The following CNTN5 variants were observed in gnomAD, a reference collection of about 807,000 sequenced individuals.
CNTN5 encodes the protein contactin 5, also known as contactin-5.
A neutral mutation model predicts 129.1 loss-of-function variants in CNTN5; 77 were observed. That is an observed-to-expected ratio of 0.60 (90% CI 0.50 to 0.72). The LOEUF is 0.72. Among genes scored for constraint, CNTN5 ranks in the 30% least tolerant of loss-of-function variants. CNTN5 has a pLI of 0.00. For missense variants in CNTN5, 1,478 were observed against 1,328.8 expected, an observed-to-expected ratio of 1.11 and a Z score of -1.75; for synonymous variants, 509 against 465.6, an observed-to-expected ratio of 1.09 and a Z score of -1.20.
At chr11:99,582,957 A>G (rs913159156) in intron 3 of CNTN5, among the ~76,000 whole-genome samples, 13 of 152,158 alleles carry the variant, frequency 8.5e-5, no homozygotes, top group African/African-American at 1.7e-4. Flanking sequence ...TTGTGGTTTT[A>G]TCTACCTTTG....
chr11:99,509,374 T>C (rs1225640277), intron 2 of CNTN5, among the ~76,000 whole-genome samples: 1 of 152,210 alleles, frequency 6.6e-6, no homozygotes, highest in Non-Finnish European at 1.5e-5. Flanking sequence ...TTTAATTTGA[T>C]TTAATTTAAT....
chr11:99,121,891 ATTTCTTTT>A (rs144742015), intron 1 of CNTN5, among the ~76,000 whole-genome samples: 7,180 of 152,044 alleles, frequency 0.047, 187 homozygotes, highest in Middle Eastern at 0.065. Context: ...GTAATTTTGA[ATTTCTTTT>A]TTTCTTTTTT....
At chr11:99,263,354 C>T (rs758830827) in intron 1 of CNTN5, among the ~76,000 whole-genome samples, 10 of 152,038 alleles carry the variant, frequency 6.6e-5, no homozygotes, top group South Asian at 2.1e-4. Flanking sequence ...TGAGCTTTAT[C>T]GTCTTCAAAT....
Position 100,255,745 on chromosome 11 carries a change from G to T in CNTN5, c.2006-15G>T. 2 of 1,611,292 alleles carry T rather than the reference G, an allele frequency of 1.2e-6. No individual in the cohort carries two copies. Among genetic ancestry groups the T allele is most frequent in the Non-Finnish European group, 1.7e-6 (2 of 1,178,080 alleles). ...TAATTTGTGCTTAACTTTATCCATT[G>T]CCTTTGACCTATAGGACCCCCAGGC... On this transcript the variant is annotated splice_polypyrimidine_tract_variant and intron_variant, in intron 16 of 24. Transcript: ENST00000524871.
chr11:100,050,277 A>G (rs191779173), intron 9 of CNTN5, among the ~76,000 whole-genome samples: 2 of 152,256 alleles, frequency 1.3e-5, no homozygotes, highest in Non-Finnish European at 2.9e-5. Flanking sequence ...CATATACACC[A>G]TGGAATACAG....
At chr11:99,839,683 T>C (rs186213159) in intron 4 of CNTN5, among the ~76,000 whole-genome samples, 160 of 152,002 alleles carry the variant, frequency 1.1e-3, no homozygotes, top group Non-Finnish European at 1.7e-3. Context: ...TATAAGATAA[T>C]AGAATATGAT....
intron 4 of CNTN5, among the ~76,000 whole-genome samples, chr11:99,842,636 A>T (rs1947547897): frequency 6.6e-6 from 1 of 152,178 alleles, no homozygotes; most frequent in African/African-American, 2.4e-5. Flanking sequence ...TTTAAGTCAT[A>T]GTTTTAATGT....
At chr11:99,323,288 G>A (rs1026028467) in intron 1 of CNTN5, among the ~76,000 whole-genome samples, 7 of 152,118 alleles carry the variant, frequency 4.6e-5, no homozygotes, top group Admixed American at 3.9e-4. Context: ...GACTGCAAAT[G>A]AAGTAGTCTC....
chr11:99,700,949 G>C (rs900487847), intron 3 of CNTN5, among the ~76,000 whole-genome samples: 1 of 151,196 alleles, frequency 6.6e-6, no homozygotes, highest in African/African-American at 2.4e-5. Context: ...AGAAGACATA[G>C]GGCAGGTGGT....
At chr11:99,847,177 C>A (rs2135707928) in intron 6 of CNTN5, among the ~76,000 whole-genome samples, 1 of 152,224 alleles carries the variant, frequency 6.6e-6, no homozygotes, top group Middle Eastern at 3.4e-3. Context: ...GTTGTTTTTC[C>A]CTTTGTGGAA....
At chr11:99,479,887 T>TG (rs1945523760) in intron 2 of CNTN5, among the ~76,000 whole-genome samples, 1 of 152,098 alleles carries the variant, frequency 6.6e-6, no homozygotes. Flanking sequence ...TATTTTTTTT[T>TG]GTCCAGTTTA....
At chr11:99,098,917 C>T (rs1427325463) in intron 1 of CNTN5, among the ~76,000 whole-genome samples, 5 of 152,178 alleles carry the variant, frequency 3.3e-5, no homozygotes, top group Admixed American at 6.6e-5. Context: ...CAGGTGTTAT[C>T]GCACTGGTAT....
chr11:99,231,477 C>T (rs1398758402), intron 1 of CNTN5, among the ~76,000 whole-genome samples: 1 of 152,158 alleles, frequency 6.6e-6, no homozygotes, highest in African/African-American at 2.4e-5. Context: ...GTGTCCTTTG[C>T]CCACTTTTTA....
intron 1 of CNTN5, among the ~76,000 whole-genome samples, chr11:99,103,422 G>T (rs904745061): frequency 6.6e-6 from 1 of 151,910 alleles, no homozygotes; most frequent in African/African-American, 2.4e-5. Context: ...TTTTTCTTCA[G>T]GTCAAATATC....
At chr11:99,988,038 T>C (rs772496667) in intron 8 of CNTN5, among the ~76,000 whole-genome samples, 6 of 152,236 alleles carry the variant, frequency 3.9e-5, no homozygotes, top group Non-Finnish European at 7.3e-5. Context: ...GATGAAGCTA[T>C]GATAATCAGC....
intron 14 of CNTN5, 70 bp downstream of exon 14, chr11:100,191,323 T>C: frequency 7.7e-7 from 1 of 1,305,184 alleles, no homozygotes; most frequent in Non-Finnish European, 1.0e-6. Flanking sequence ...ATAAATATAA[T>C]ATAAATGCAT....
At chr11:99,662,150 A>T (rs2135919484) in intron 3 of CNTN5, among the ~76,000 whole-genome samples, 1 of 152,314 alleles carries the variant, frequency 6.6e-6, no homozygotes, top group East Asian at 1.9e-4. Context: ...CTTCTGAACT[A>T]TATACTTAAA....
chr11:99,127,092 C>T (rs747579326), intron 1 of CNTN5, among the ~76,000 whole-genome samples: 1 of 152,128 alleles, frequency 6.6e-6, no homozygotes, highest in South Asian at 2.1e-4. Flanking sequence ...CTCAATAGTT[C>T]ATGGTCTGTT....
chr11:99,944,492 A>G (rs1950512816), intron 7 of CNTN5, among the ~76,000 whole-genome samples: 1 of 152,130 alleles, frequency 6.6e-6, no homozygotes, highest in Admixed American at 6.6e-5. Flanking sequence ...TATTCAATGT[A>G]GTATTGGAAG....
Sources: allele counts gnomAD v4.1 joint callset (sites outside exome capture counted in the v4.1 genomes callset), GRCh38; gene constraint gnomAD v4.1.1; transcripts MANE v1.5; gene names NCBI Gene and HGNC (gene_info 2026-07-23, HGNC 2026-07-21).